The following CCN5 variants were observed in gnomAD, a reference collection of about 807,000 sequenced individuals.
CCN5 encodes the protein cellular communication network factor 5.
A neutral mutation model predicts 18.7 loss-of-function variants in CCN5; 17 were observed. That is an observed-to-expected ratio of 0.91 (90% CI 0.62 to 1.36). The LOEUF (loss-of-function observed/expected upper bound fraction) is 1.36, where lower values mean the gene tolerates loss of function less well. Among genes scored for constraint, CCN5 ranks in the 40% most tolerant of loss-of-function variants. The pLI is 0.00. For missense variants in CCN5, 367 were observed against 342.9 expected (o/e 1.07, Z -0.56); for synonymous variants, 135 against 145.2 (o/e 0.93, Z 0.50).
rs200713905 is a variant in CCN5, at chr20:44,727,082, C to T, written c.533-5C>T. 194 of 1,575,682 alleles carry T rather than the reference C, an allele frequency of 1.2e-4. 1 individual carries two copies. In the African/African-American group the frequency reaches 2.0e-3, roughly 16 times the overall value. Reference sequence around the variant, plus strand: ...CAGTGCTAACTCTTGTTCTTTCCCCCCTAGGACCCCAGTTTTCTGGCCTTG... The same window carrying T: ...CAGTGCTAACTCTTGTTCTTTCCCCTCTAGGACCCCAGTTTTCTGGCCTTG... On this transcript the variant is annotated splice_region_variant and splice_polypyrimidine_tract_variant and intron_variant, in intron 3 of 3. Coordinates refer to ENST00000190983, the MANE Select transcript of CCN5 (RefSeq NM_003881.4).
At chr20:44,727,062 C>A (rs2065940561) in intron 3 of CCN5, 25 bp from the exon 4 acceptor site, 1 of 1,546,408 alleles carries the variant, frequency 6.5e-7, no homozygotes, top group Non-Finnish European at 8.7e-7. Flanking sequence ...CTGCTCAGTG[C>A]TAACTCTTGT....
rs1296043101 is a variant in CCN5, at chr20:44,724,789, G to A, written c.329G>A (p.Gly110Glu). 5.6e-6 allele frequency: 9 copies of A among 1,612,802 alleles called. No individual in the cohort carries two copies. In the East Asian group the frequency reaches 1.8e-4, roughly 32 times the overall value. Reference protein sequence around the residue: ...CEVNGRLYREGETFQPHCSIR... With the variant: ...CEVNGRLYREEETFQPHCSIR... ...GTGAACGGCCGCCTGTATCGGGAAG[G>A]GGAGACCTTCCAGCCCCACTGCAGC... Residue 110 changes from glycine to glutamate, a missense_variant, in exon 3 of 4, where the codon GGG (glycine) becomes GAG (glutamate). By Grantham distance (98) the Gly-to-Glu change is moderately conservative. Coordinates refer to ENST00000190983, the MANE Select transcript of CCN5 (RefSeq NM_003881.4).
intron 2 of CCN5, chr20:44,724,172 G>A (rs1055671677): frequency 6.6e-6 from 1 of 152,564 alleles, no homozygotes; most frequent in African/African-American, 2.4e-5. Flanking sequence ...ACTCAGAGAA[G>A]TTAAGTAACT....
chr20:44,725,049 C>T (rs1313845343), intron 3 of CCN5, 57 bp downstream of exon 3: 3 of 1,463,644 alleles, frequency 2.0e-6, no homozygotes, highest in Admixed American at 2.8e-5. Flanking sequence ...CCAAGGGCCA[C>T]CTAGGGGGTG....
At chr20:44,726,893 A>G (rs910533912) in intron 3 of CCN5, among the ~76,000 whole-genome samples, 194 bp from the exon 4 acceptor site, 2 of 152,232 alleles carry the variant, frequency 1.3e-5, no homozygotes, top group African/African-American at 4.8e-5. Flanking sequence ...TACAAGTACC[A>G]GGTACTGTGC....
At chr20:44,717,313 G>GATATC (rs1555854000) in intron 1 of CCN5, among the ~76,000 whole-genome samples, 12 of 152,192 alleles carry the variant, frequency 7.9e-5, no homozygotes, top group African/African-American at 2.9e-4. Context: ...TAGAATAGTT[G>GATATC]ATATCATTAA....
Position 44,727,311 on chromosome 20 carries a change from C to A in CCN5, c.*4C>A. 6.2e-7 allele frequency: 1 copy of A among 1,603,832 alleles called. No homozygotes were observed. ...TCCACAAAACAGTGCCTTCTAGAGC[C>A]GGGCTGGGAATGGGGACACGGTGTC... On this transcript the variant is annotated 3_prime_UTR_variant, in exon 4 of 4. Transcript: ENST00000190983.
chr20:44,717,718 T>C (rs936735279), intron 1 of CCN5, among the ~76,000 whole-genome samples: 1 of 151,354 alleles, frequency 6.6e-6, no homozygotes, highest in African/African-American at 2.4e-5. Context: ...CTACTAAAAA[T>C]ACAAAAAATT....
intron 3 of CCN5, among the ~76,000 whole-genome samples, chr20:44,725,474 C>T (rs1433748210): frequency 6.6e-6 from 1 of 151,940 alleles, no homozygotes; most frequent in Non-Finnish European, 1.5e-5. Flanking sequence ...TGGAGGGTCA[C>T]CAGGCCTCCC....
chr20:44,718,799 G>A (rs1160979895), intron 1 of CCN5, among the ~76,000 whole-genome samples: 2 of 152,208 alleles, frequency 1.3e-5, no homozygotes, highest in Non-Finnish European at 2.9e-5. Flanking sequence ...CCTGGCAGGG[G>A]GAGGAGGTTA....
intron 1 of CCN5, among the ~76,000 whole-genome samples, chr20:44,718,251 C>G (rs941150790): frequency 2.0e-5 from 3 of 152,128 alleles, no homozygotes; most frequent in Non-Finnish European, 4.4e-5. Context: ...TGGGAGTTGC[C>G]GGGAACTGAA....
In CCN5 at chr20:44,727,484, C is replaced by T. The variant is rs531103336; in HGVS notation, c.*177C>T. ...CACGCTGCCTGGTCTGTCTGGATCCCGAGGTATGGCAGAGGTGCAAGACCT... is the reference window on the plus strand; with the variant it reads ...CACGCTGCCTGGTCTGTCTGGATCCTGAGGTATGGCAGAGGTGCAAGACCT... On this transcript the variant is annotated 3_prime_UTR_variant, in exon 4 of 4. Transcript: ENST00000190983. 1.3e-5 allele frequency: 19 copies of T among 1,421,426 alleles called. No homozygotes were observed. Among genetic ancestry groups the T allele is most frequent in the Middle Eastern group, 1.9e-4 (1 of 5,402 alleles). The allele number at this position is 1,421,426 out of a possible 1,614,324, so 88.1% of individuals were successfully genotyped here. A position where few individuals can be genotyped will look rare whatever the true frequency, so the allele number is the denominator to read the frequency against.
At chr20:44,715,357 G>A (rs542203865), upstream of CCN5, 42 of 1,580,406 alleles carry the variant, frequency 2.7e-5, no homozygotes, top group South Asian at 3.5e-4. Flanking sequence ...TCACAGGTCC[G>A]CCTCCCAGGC....
Position 44,724,439 on chromosome 20 carries a change from C to T in CCN5, c.278-299C>T, listed in dbSNP as rs188909012. 735 of 468,236 alleles carry T rather than the reference C, an allele frequency of 1.6e-3. 6 individuals carry two copies. The highest frequency in any genetic ancestry group is 0.013 in the African/African-American group (632 of 49,894). The allele number at this position is 468,236 out of a possible 1,614,324, so 29.0% of individuals were successfully genotyped here. Reference sequence around the variant, plus strand: ...ATAAGTACCATTATATCCCAGCTTGCAAATGTGGAAACTGAGGCAAGAAGA... The same window carrying T: ...ATAAGTACCATTATATCCCAGCTTGTAAATGTGGAAACTGAGGCAAGAAGA... On this transcript the variant is annotated intron_variant, in intron 2 of 3. Coordinates refer to ENST00000190983, the MANE Select transcript of CCN5 (RefSeq NM_003881.4).
rs764095479 is a variant in CCN5 at position 44,715,444 on chromosome 20, C to G, written c.54C>G (p.Leu18=). 1 of 1,594,636 alleles carries G rather than the reference C, an allele frequency of 6.3e-7. No homozygotes were observed. The highest frequency in any genetic ancestry group is 1.7e-5 in the Admixed American group (1 of 57,410). ...TGGCCTTCTCCCTCCTCTGCCTCCT[C>G]TCAAAGGTAAGGAGGCCCGGGCCCT... ...HLLAFSLLCL[L]SKVRTQLCPT... The change falls in exon 1 of 4, where the codon CTC becomes CTG. Residue 18 remains leucine, a synonymous_variant. Coordinates refer to ENST00000190983, the MANE Select transcript of CCN5 (RefSeq NM_003881.4).
At chr20:44,719,465 G>C (rs2065882189) in intron 1 of CCN5, among the ~76,000 whole-genome samples, 1 of 152,118 alleles carries the variant, frequency 6.6e-6, no homozygotes, top group Admixed American at 6.5e-5. Flanking sequence ...GACCAGCCTG[G>C]GTAACATGGT....
chr20:44,718,533 G>A lies in CCN5; in HGVS notation c.61-1364G>A, dbSNP rs147403797. 6.8e-3 allele frequency among the ~76,000 whole-genome samples: 1,028 copies of A among 152,246 alleles called. 6 individuals carry two copies. Among genetic ancestry groups the A allele is most frequent in the African/African-American group, 0.023 (975 of 41,520 alleles). Reference sequence around the variant, plus strand: ...CCCCACCTTCAAATGGGCAGACAGGGAGCTCACGGCACCTGCTGTATGCTT... The same window carrying A: ...CCCCACCTTCAAATGGGCAGACAGGAAGCTCACGGCACCTGCTGTATGCTT... On this transcript the variant is annotated intron_variant, in intron 1 of 3. Coordinates refer to ENST00000190983, the MANE Select transcript of CCN5 (RefSeq NM_003881.4).
rs1445480520 is a variant in CCN5 at position 44,727,198 on chromosome 20, G to A, written c.644G>A (p.Arg215Gln). Residue 215 changes from arginine (R) to glutamine (Q), a missense_variant, in exon 4 of 4, where the codon CGG (arginine) becomes CAG (glutamine). Physicochemically the swap from Arg to Gln is conservative, Grantham distance 43. Coordinates refer to ENST00000190983, the MANE Select transcript of CCN5 (RefSeq NM_003881.4). ...STTCGLGMAT[R>Q]VSNQNRFCRL... is the part of the protein sequence containing the mutation. ...ACCTGTGGGCTGGGCATGGCCACCCGGGTGTCCAACCAGAACCGCTTCTGC... is the reference window on the plus strand; with the variant it reads ...ACCTGTGGGCTGGGCATGGCCACCCAGGTGTCCAACCAGAACCGCTTCTGC... The A allele has an allele frequency of 1.1e-5, 18 of 1,613,808 alleles. No individual in the cohort carries two copies. The highest frequency in any genetic ancestry group is 2.2e-5 in the East Asian group (1 of 44,886).
rs749435012 is a variant in CCN5, at chr20:44,720,098, G to A, written c.262G>A (p.Gly88Arg). ...CQPGAGPGGRGALCLLAEDDS... is the reference protein window; with the variant it reads ...CQPGAGPGGRRALCLLAEDDS... ...GCCCGGGGCAGGACCCGGTGGCCGG[G>A]GGGCCCTGTGCCTCTGTAAGCAGGT... Residue 88 changes from glycine to arginine, a missense_variant, in exon 2 of 4, where the codon GGG (glycine) becomes AGG (arginine). By Grantham distance (125) the Gly-to-Arg change is moderately radical (BLOSUM62 -2). Coordinates refer to ENST00000190983, the MANE Select transcript of CCN5 (RefSeq NM_003881.4). 4 of 1,550,642 alleles carry A rather than the reference G, an allele frequency of 2.6e-6. No homozygotes were observed. Among genetic ancestry groups the A allele is most frequent in the East Asian group, 2.4e-5 (1 of 42,392 alleles).
Sources: gnomAD v4.1 joint callset for allele counts (sites outside exome capture counted in the v4.1 genomes callset) on GRCh38, gnomAD v4.1.1 for gene constraint, MANE v1.5 for transcripts, NCBI Gene and HGNC (gene_info 2026-07-23, HGNC 2026-07-21) for gene names.